The following BTNL8 variants were observed in gnomAD, a reference collection of about 807,000 sequenced individuals.
BTNL8 encodes the protein butyrophilin-like protein 8.
In BTNL8, 22 loss-of-function variants were observed where a neutral mutation model predicts 36.1. The observed-to-expected ratio is 0.61, with a 90% CI of 0.44 to 0.87. The LOEUF (loss-of-function observed/expected upper bound fraction) is 0.87. Among genes scored for constraint, BTNL8 ranks in the 40% least tolerant of loss-of-function variants. BTNL8 has a pLI of 0.00. For synonymous variants in BTNL8, 203 were observed against 235.6 expected (o/e 0.86, Z 1.27); for missense variants, 526 against 616.9 (o/e 0.85, Z 1.56).
intron 3 of BTNL8, among the ~76,000 whole-genome samples, chr5:180,931,147 A>G (rs1333835803): frequency 6.6e-6 from 1 of 152,242 alleles, no homozygotes; most frequent in African/African-American, 2.4e-5. Context: ...GAGGCCTTAA[A>G]TAATGCCACA....
intron 3 of BTNL8, among the ~76,000 whole-genome samples, chr5:180,916,573 C>CCTAG (rs1373607657): frequency 6.6e-6 from 1 of 151,890 alleles, no homozygotes; most frequent in East Asian, 1.9e-4. Context: ...CAAGCCTTTA[C>CCTAG]CTAGATTAAC....
intron 3 of BTNL8, among the ~76,000 whole-genome samples, chr5:180,917,034 T>C (rs1326874445): frequency 6.8e-6 from 1 of 147,330 alleles, no homozygotes; most frequent in Non-Finnish European, 1.5e-5. Flanking sequence ...TACGGCACTA[T>C]GAAAAATCAT....
chr5:180,941,525 G>A (rs1224403730), intron 3 of BTNL8, among the ~76,000 whole-genome samples: 1 of 152,088 alleles, frequency 6.6e-6, no homozygotes, highest in Non-Finnish European at 1.5e-5. Context: ...TATTCATTAT[G>A]AACATAGATG....
At chr5:180,931,553 C>A (rs941780768) in intron 3 of BTNL8, among the ~76,000 whole-genome samples, 3 of 152,018 alleles carry the variant, frequency 2.0e-5, no homozygotes, top group African/African-American at 7.3e-5. Context: ...TTTTTGCAAT[C>A]CATCCATCTG....
chr5:180,943,593 A>G (rs1759091499), intron 3 of BTNL8, among the ~76,000 whole-genome samples: 1 of 152,258 alleles, frequency 6.6e-6, no homozygotes, highest in Non-Finnish European at 1.5e-5. Context: ...AAAAGACAAA[A>G]GATAACAATT....
chr5:180,943,420 G>A (rs1264723114), intron 3 of BTNL8, among the ~76,000 whole-genome samples: 1 of 152,060 alleles, frequency 6.6e-6, no homozygotes, highest in African/African-American at 2.4e-5. Flanking sequence ...ATGAGCCACC[G>A]TGCCTGGCCA....
chr5:180,941,570 C>A (rs1758954792), intron 3 of BTNL8, among the ~76,000 whole-genome samples: 1 of 152,040 alleles, frequency 6.6e-6, no homozygotes, highest in South Asian at 2.1e-4. Context: ...CAATCCAAAT[C>A]CAATAGCATA....
chr5:180,935,714 G>A lies in BTNL8; in HGVS notation c.674-11798G>A, dbSNP rs1035752192. Among the ~76,000 whole-genome samples, 1 of 152,178 alleles carries A rather than the reference G, an allele frequency of 6.6e-6. No individual in the cohort carries two copies. Among genetic ancestry groups the A allele is most frequent in the South Asian group, 2.1e-4 (1 of 4,818 alleles). On this transcript the variant is annotated intron_variant, in intron 3 of 7. Coordinates refer to ENST00000340184, the MANE Select transcript of BTNL8 (RefSeq NM_001040462.3). The surrounding 1 kb of genome is among the most constrained non-coding windows in gnomAD (Gnocchi z 4.8). ...CCCCGTGGACTTGGTAGAGAGTGGG[G>A]CTCCCCCCATTCCCAGCCCCCTCCC...
rs545861509 is a variant in BTNL8 at position 180,934,887 on chromosome 5, A to G, written c.674-12625A>G. On this transcript the variant is annotated intron_variant, in intron 3 of 7. Coordinates refer to ENST00000340184, the MANE Select transcript of BTNL8 (RefSeq NM_001040462.3). ...TACAGCTTTTTCAGTCCCACCTTTC[A>G]GTGGTTCCCAAGTTCTTGTCCCATA... is the stretch of plus-strand genomic sequence containing the variant. Among the ~76,000 whole-genome samples the G allele has an allele frequency of 2.6e-5, 4 of 152,254 alleles. No individual in the cohort carries two copies. The South Asian group carries it at 8.3e-4, about 32-fold the overall frequency.
intron 1 of BTNL8, among the ~76,000 whole-genome samples, chr5:180,900,212 T>A (rs1438012790): frequency 1.3e-5 from 2 of 152,238 alleles, no homozygotes; most frequent in Non-Finnish European, 2.9e-5. Context: ...CCCTTCTGTT[T>A]CCGGGTGAGG....
At chr5:180,915,431 T>G (rs992312320) in intron 3 of BTNL8, among the ~76,000 whole-genome samples, 13 of 152,180 alleles carry the variant, frequency 8.5e-5, no homozygotes, top group African/African-American at 3.1e-4. Context: ...GATAAATAAA[T>G]GCAAGGCTCT....
chr5:180,945,007 A>G (rs1279268036), intron 3 of BTNL8, among the ~76,000 whole-genome samples: 4 of 152,228 alleles, frequency 2.6e-5, no homozygotes, highest in Non-Finnish European at 5.9e-5. Context: ...AAGATCTCAA[A>G]TAGCCAAAGC....
Position 180,948,716 on chromosome 5 carries a change from C to T in BTNL8, c.809-204C>T, listed in dbSNP as rs576594274. 119 of 521,212 alleles carry T rather than the reference C, an allele frequency of 2.3e-4. 6 individuals are homozygous for T. The South Asian group carries it at 2.3e-3, about 10-fold the overall frequency. The allele number at this position is 521,212 out of a possible 1,614,324, so 32.3% of individuals were successfully genotyped here. On this transcript the variant is annotated intron_variant, in intron 5 of 7. Coordinates refer to ENST00000340184, the MANE Select transcript of BTNL8 (RefSeq NM_001040462.3). ...CTGAGAAAAATTTGTGGGTGATCCTCGACCTCCCCTGGCCTGATGCTTTGA... is the reference window on the plus strand; with the variant it reads ...CTGAGAAAAATTTGTGGGTGATCCTTGACCTCCCCTGGCCTGATGCTTTGA...
rs1460184315 is a variant in BTNL8 at position 180,918,646 on chromosome 5, A to G, written c.673+7032A>G. 3.3e-5 allele frequency among the ~76,000 whole-genome samples: 5 copies of G among 152,360 alleles called. No homozygotes were observed. In the East Asian group the frequency reaches 7.7e-4, roughly 23 times the overall value. On this transcript the variant is annotated intron_variant, in intron 3 of 7. Coordinates refer to ENST00000340184, the MANE Select transcript of BTNL8 (RefSeq NM_001040462.3). ...AACAAGTCCTGAGAACATGTGCCCA[A>G]GGTGGTTGAGTTACAGCTTGATTTT... is the stretch of plus-strand genomic sequence containing the variant.
rs1404991741 is a variant in BTNL8, at chr5:180,950,646, A to T, written c.*102A>T. 1 of 1,212,192 alleles carries T rather than the reference A, an allele frequency of 8.2e-7. No homozygotes were observed. Among genetic ancestry groups the T allele is most frequent in the Non-Finnish European group, 1.1e-6 (1 of 870,242 alleles). The allele number at this position is 1,212,192 out of a possible 1,614,324, so 75.1% of individuals were successfully genotyped here. ...CAAGGTGGCTTCCAGATGAAGGGGG[A>T]CTGGCCTGTCCACATGGGAGTCAGG... On this transcript the variant is annotated 3_prime_UTR_variant, in exon 8 of 8. Coordinates refer to ENST00000340184, the MANE Select transcript of BTNL8 (RefSeq NM_001040462.3).
chr5:180,926,058 C>T (rs1026394107), intron 3 of BTNL8, among the ~76,000 whole-genome samples: 8 of 152,186 alleles, frequency 5.3e-5, no homozygotes, highest in Non-Finnish European at 7.3e-5. Flanking sequence ...GGAACAGCTG[C>T]GGTCTGCAGC....
chr5:180,925,403 C>T (rs1758049762), intron 3 of BTNL8, among the ~76,000 whole-genome samples: 1 of 152,178 alleles, frequency 6.6e-6, no homozygotes, highest in South Asian at 2.1e-4. Context: ...CTGAAAGCAG[C>T]AAGAGAATGA....
intron 3 of BTNL8, among the ~76,000 whole-genome samples, chr5:180,912,805 T>C (rs998529189): frequency 6.6e-6 from 1 of 151,970 alleles, no homozygotes; most frequent in Non-Finnish European, 1.5e-5. Flanking sequence ...TTGACTGGTA[T>C]ATGATATTTT....
At chr5:180,908,243 C>T (rs912582213) in intron 1 of BTNL8, among the ~76,000 whole-genome samples, 2 of 152,172 alleles carry the variant, frequency 1.3e-5, no homozygotes, top group African/African-American at 2.4e-5. Flanking sequence ...ATCGGAAAAG[C>T]GCAATATTCG....
Sources: gnomAD v4.1 joint callset for allele counts (sites outside exome capture counted in the v4.1 genomes callset) on GRCh38, gnomAD v4.1.1 for gene constraint, Gnocchi (gnomAD v3.1) non-coding constraint, MANE v1.5 for transcripts, NCBI Gene and HGNC (gene_info 2026-07-23, HGNC 2026-07-21) for gene names.